Variants in PCID2 observed in about 807,000 individuals in gnomAD.
The protein encoded by PCID2 is PCI domain-containing protein 2.
Under a neutral mutation model 61.3 loss-of-function variants are expected in PCID2, and 41 were observed. That is an observed-to-expected ratio of 0.67 (90% confidence interval 0.52 to 0.87). PCID2 has a LOEUF of 0.87. Among genes scored for constraint, PCID2 ranks in the 40% least tolerant of loss-of-function variants. PCID2 has a pLI of 0.00. For missense variants in PCID2, 392 were observed against 493.4 expected (o/e 0.79, Z 1.95); for synonymous variants, 187 against 177.8 (o/e 1.05, Z -0.41).
At chr13:113,200,109 G>A (rs1047493737) in intron 2 of PCID2, among the ~76,000 whole-genome samples, 2 of 152,162 alleles carry the variant, frequency 1.3e-5, no homozygotes, top group African/African-American at 2.4e-5. Flanking sequence ...GGTACATGAC[G>A]TCTATGGGGC....
At chr13:113,165,224 G>A in the PCID2 span, 418 of 1,199,894 alleles carry the variant, frequency 3.5e-4, no homozygotes, top group Non-Finnish European at 4.9e-4. Context: ...CAGGCATCCT[G>A]ACTTTGATGG....
chr13:113,208,190 C>A, intron 1 of PCID2: 2 of 1,564,420 alleles, frequency 1.3e-6, no homozygotes, highest in African/African-American at 1.3e-5. Flanking sequence ...CTGGAGTCCC[C>A]GAATTCATCC....
intron 1 of PCID2, among the ~76,000 whole-genome samples, chr13:113,204,561 G>A (rs1399044025): frequency 1.3e-5 from 2 of 152,168 alleles, no homozygotes; most frequent in East Asian, 3.9e-4. Flanking sequence ...GGCTCTGCTT[G>A]GCCACACCTA....
At chr13:113,198,785 A>G (rs916009002) in intron 2 of PCID2, among the ~76,000 whole-genome samples, 1 of 152,270 alleles carries the variant, frequency 6.6e-6, no homozygotes, top group African/African-American at 2.4e-5. Flanking sequence ...GCCCATGAAT[A>G]TAATTTGGTC....
At chr13:113,195,018 G>A (rs1317919565) in intron 6 of PCID2, 53 bp downstream of exon 6, 3 of 1,218,934 alleles carry the variant, frequency 2.5e-6, no homozygotes, top group Non-Finnish European at 3.7e-6. Flanking sequence ...TTAAACAACA[G>A]ATAGTCACCA....
Position 113,177,924 on chromosome 13 carries a change from C to CA in PCID2, c.*273dup. 1 of 278,296 alleles carries CA rather than the reference C, an allele frequency of 3.6e-6. No homozygotes were observed. The highest frequency in any genetic ancestry group is 6.9e-6 in the Non-Finnish European group (1 of 144,488). The allele number at this position is 278,296 out of a possible 1,614,324, so 17.2% of individuals were successfully genotyped here. Reference sequence around the variant, plus strand: ...TAGGAAAAGTGAGCCGAGCAGCCTTCACGCAAAGCCTCCTTCAAAGAAGTC... The same window carrying CA: ...TAGGAAAAGTGAGCCGAGCAGCCTTCAACGCAAAGCCTCCTTCAAAGAAGTC... On this transcript the variant is annotated 3_prime_UTR_variant, in exon 14 of 14. Transcript: ENST00000337344.
intron 10 of PCID2, 77 bp from the exon 11 acceptor site, chr13:113,180,308 ATTAAGTT>A: frequency 8.6e-7 from 1 of 1,168,558 alleles, no homozygotes; most frequent in Non-Finnish European, 1.3e-6. Flanking sequence ...ATATCAAGGA[ATTAAGTT>A]TTAAGAAAAT....
chr13:113,165,233 G>A, the PCID2 span: 1 of 1,138,062 alleles, frequency 8.8e-7, no homozygotes, highest in Non-Finnish European at 1.3e-6. Flanking sequence ...TGACTTTGAT[G>A]GGCTACTGAC....
Position 113,179,925 on chromosome 13 carries a change from A to G in PCID2, c.978T>C (p.Phe326=). 1 of 1,612,932 alleles carries G rather than the reference A, an allele frequency of 6.2e-7. No homozygotes were observed. Among genetic ancestry groups the G allele is most frequent in the Non-Finnish European group, 8.5e-7 (1 of 1,179,528 alleles). The change falls in exon 12 of 14, where the codon TTT becomes TTC. Residue 326 remains phenylalanine (F), a synonymous_variant. Transcript: ENST00000337344. This position sits in a 1 kb window ranked among gnomAD's most constrained non-coding sequence, Gnocchi z 4.3. ...KLKIITYRNL[F]KKVYLLLKTH... ...GCCGGGGAAATGCTTACACTTTCTT[A>G]AAGAGGTTCCTGTAGGTGATGATCT...
intron 2 of PCID2, among the ~76,000 whole-genome samples, chr13:113,199,252 A>T (rs2039243022): frequency 6.6e-6 from 1 of 152,200 alleles, no homozygotes; most frequent in African/African-American, 2.4e-5. Context: ...GGGCTTGAAT[A>T]GAACAAGAGG....
chr13:113,198,327 T>C (rs971763364), intron 2 of PCID2, 63 bp from the exon 3 acceptor site: 3 of 961,814 alleles, frequency 3.1e-6, no homozygotes, highest in African/African-American at 1.6e-5. Context: ...ATGCAACATA[T>C]AGAAAGAGAT....
chr13:113,168,638 G>C, the PCID2 span, among the ~76,000 whole-genome samples: 2 of 152,176 alleles, frequency 1.3e-5, no homozygotes, highest in Non-Finnish European at 2.9e-5. Context: ...ATTATACTGT[G>C]TATTGTTTTC....
At chr13:113,189,895 C>T (rs1388537913) in intron 7 of PCID2, among the ~76,000 whole-genome samples, 7 of 151,900 alleles carry the variant, frequency 4.6e-5, no homozygotes, top group East Asian at 3.9e-4. Flanking sequence ...TGGTGGCATG[C>T]GCCTGTAATC....
At chr13:113,204,105 C>T (rs994965844) in intron 1 of PCID2, among the ~76,000 whole-genome samples, 1 of 152,240 alleles carries the variant, frequency 6.6e-6, no homozygotes, top group African/African-American at 2.4e-5. Context: ...TCCCCACAGC[C>T]ACCCCTGCTT....
chr13:113,207,223 T>C (rs1345985583), intron 1 of PCID2, among the ~76,000 whole-genome samples: 2 of 152,240 alleles, frequency 1.3e-5, no homozygotes, highest in Non-Finnish European at 1.5e-5. Context: ...TTATGGTAGT[T>C]ATGTACTTTT....
the PCID2 span, among the ~76,000 whole-genome samples, chr13:113,170,021 C>T: frequency 6.6e-6 from 1 of 152,182 alleles, no homozygotes; most frequent in Non-Finnish European, 1.5e-5. Context: ...TGAGATGCCC[C>T]GTCCTGCTCT....
chr13:113,191,701 GT>G (rs1435402019), intron 6 of PCID2, among the ~76,000 whole-genome samples: 5 of 152,178 alleles, frequency 3.3e-5, no homozygotes, highest in African/African-American at 9.7e-5. Flanking sequence ...TCTGCCACTT[GT>G]GTTCTCCACA....
chr13:113,203,598 A>G (rs1267891970), intron 1 of PCID2, among the ~76,000 whole-genome samples: 1 of 152,232 alleles, frequency 6.6e-6, no homozygotes, highest in Non-Finnish European at 1.5e-5. Flanking sequence ...GGCCCCAAGA[A>G]GACAACACTG....
chr13:113,171,048 G>A, the PCID2 span, among the ~76,000 whole-genome samples: 2 of 151,686 alleles, frequency 1.3e-5, no homozygotes, highest in South Asian at 2.1e-4. This position sits in a 1 kb window ranked among gnomAD's most constrained non-coding sequence, Gnocchi z 5.1. Context: ...TCAGCCTCCC[G>A]AGTAGCTGGG....
Sources: gnomAD v4.1 joint callset for allele counts (sites outside exome capture counted in the v4.1 genomes callset) on GRCh38, gnomAD v4.1.1 for gene constraint, Gnocchi (gnomAD v3.1) non-coding constraint, MANE v1.5 for transcripts, NCBI Gene and HGNC (gene_info 2026-07-23, HGNC 2026-07-21) for gene names.